The following NFASC variants were observed in gnomAD, a reference collection of about 807,000 sequenced individuals.
NFASC encodes neurofascin, also known as neurofascin homolog.
NFASC carries 43 observed loss-of-function variants against 147.5 expected under a neutral mutation model. The observed-to-expected ratio is 0.29, with a 90% CI of 0.23 to 0.38. NFASC has a LOEUF of 0.38. Among genes scored for constraint, NFASC ranks in the 10% least tolerant of loss-of-function variants. The probability of loss-of-function intolerance (pLI) is 1.00; values close to 1 mark genes in which losing one functional copy is unlikely to be tolerated. For missense variants in NFASC, 1,320 were observed against 1,689.0 expected (o/e 0.78, Z 3.83); for synonymous variants, 622 against 665.5 (o/e 0.93, Z 1.01).
At chr1:204,871,243 T>C (rs1016693787) in intron 1 of NFASC, among the ~76,000 whole-genome samples, 3 of 151,166 alleles carry the variant, frequency 2.0e-5, no homozygotes, top group African/African-American at 7.3e-5. Flanking sequence ...GCCCAGGGAG[T>C]GGATTGGTTG....
intron 1 of NFASC, among the ~76,000 whole-genome samples, chr1:204,878,171 T>G (rs751198846): frequency 6.6e-6 from 1 of 152,218 alleles, no homozygotes; most frequent in Non-Finnish European, 1.5e-5. Flanking sequence ...TACTAGGTAC[T>G]GGTTCAAGGT....
At chr1:204,843,615 C>A (rs1676032097) in intron 1 of NFASC, among the ~76,000 whole-genome samples, 1 of 82,580 alleles carries the variant, frequency 1.2e-5, no homozygotes, top group Non-Finnish European at 2.2e-5. Flanking sequence ...TTCCTTCCTT[C>A]CTTCCTTCCT....
chr1:204,906,752 G>GT lies in NFASC; in HGVS notation c.-199-13880_-199-13879insT. On this transcript the variant is annotated intron_variant, in intron 1 of 29. Coordinates refer to ENST00000339876, the MANE Select transcript of NFASC (RefSeq NM_001005388.3). Reference sequence around the variant, plus strand: ...GGCTGGAGTGCAGTGGCGCGATCTCGGCTCACTGCAAGCTCCGCCTCCCGG... The same window carrying GT: ...GGCTGGAGTGCAGTGGCGCGATCTCGTGCTCACTGCAAGCTCCGCCTCCCGG... Among the ~76,000 whole-genome samples the GT allele has an allele frequency of 3.5e-5, 2 of 57,212 alleles. 1 individual carries two copies. Among genetic ancestry groups the GT allele is most frequent in the Admixed American group, 2.5e-4 (2 of 7,980 alleles). The allele number at this position is 57,212 out of a possible 152,430, so 37.5% of individuals were successfully genotyped here.
At chr1:205,004,746 C>A (rs2096069638) in intron 27 of NFASC, among the ~76,000 whole-genome samples, 1 of 145,266 alleles carries the variant, frequency 6.9e-6, no homozygotes, top group Non-Finnish European at 1.6e-5. Flanking sequence ...GCCCTGACCA[C>A]TGGTCACTTA....
Position 204,979,012 on chromosome 1 carries a change from G to C in NFASC, c.1921G>C (p.Glu641Gln). 1 of 1,564,852 alleles carries C rather than the reference G, an allele frequency of 6.4e-7. No individual in the cohort carries two copies. Among genetic ancestry groups the C allele is most frequent in the Non-Finnish European group, 8.7e-7 (1 of 1,153,734 alleles). ...GGACCTGGAGCTGACCGACCTGGCC[G>C]AGAGGAGCGTGCGGCTGACCTGGAT... ...PRDLELTDLA[E>Q]RSVRLTWIPG... Residue 641 changes from glutamate (E) to glutamine (Q), a missense_variant, in exon 18 of 30, where the codon GAG (glutamate) becomes CAG (glutamine). Transcript: ENST00000339876. This position sits in a 1 kb window ranked among gnomAD's most constrained non-coding sequence, Gnocchi z 6.0.
intron 1 of NFASC, among the ~76,000 whole-genome samples, chr1:204,883,880 T>G (rs1184390076): frequency 6.6e-6 from 1 of 152,118 alleles, no homozygotes; most frequent in Non-Finnish European, 1.5e-5. Context: ...CCCAGAGAGT[T>G]ACTGGAAGAT....
intron 1 of NFASC, among the ~76,000 whole-genome samples, chr1:204,838,525 A>G (rs1674415738): frequency 6.6e-6 from 1 of 152,222 alleles, no homozygotes; most frequent in African/African-American, 2.4e-5. Flanking sequence ...TTTCCATTCA[A>G]AAGCCGAGGG....
intron 1 of NFASC, among the ~76,000 whole-genome samples, chr1:204,905,407 GAGA>G (rs1335186734): frequency 2.6e-5 from 4 of 151,380 alleles, no homozygotes; most frequent in African/African-American, 7.3e-5. Context: ...TAATAGATAT[GAGA>G]AGGTGTCTCG....
chr1:204,892,256 C>T (rs12405381), intron 1 of NFASC, among the ~76,000 whole-genome samples: 39,366 of 152,132 alleles, frequency 0.26, 8,703 homozygotes, highest in East Asian at 0.72. Flanking sequence ...GAACTCTTAA[C>T]GACTTTCAGT....
rs532735292 is a variant in NFASC at position 205,000,885 on chromosome 1, C to G, written c.3020-285C>G. The G allele has an allele frequency of 7.8e-5, 38 of 485,288 alleles. 1 individual carries two copies. Among genetic ancestry groups the G allele is most frequent in the African/African-American group, 7.1e-4 (36 of 50,844 alleles). The allele number at this position is 485,288 out of a possible 1,614,324, so 30.1% of individuals were successfully genotyped here. ...TCATTCCTAACGCTACCTATGTGGA[C>G]ACAGTCAGTTTCCAGCTCTCCCTCC... On this transcript the variant is annotated intron_variant, in intron 25 of 29. Transcript: ENST00000339876.
At chr1:205,004,046 T>C (rs2802840) in intron 27 of NFASC, among the ~76,000 whole-genome samples, 133,034 of 152,322 alleles carry the variant, frequency 0.87, 58,430 homozygotes, top group East Asian at 1. Flanking sequence ...GACAGTGGAC[T>C]GAGCAGAGCA....
intron 2 of NFASC, among the ~76,000 whole-genome samples, chr1:204,935,634 GC>G (rs1357474447): frequency 1.3e-5 from 2 of 152,174 alleles, no homozygotes; most frequent in Non-Finnish European, 2.9e-5. Context: ...GGGCTGGCCA[GC>G]GTCTGATCTG....
intron 1 of NFASC, chr1:204,870,582 G>A (rs370358540): frequency 2.5e-6 from 2 of 806,344 alleles, no homozygotes; most frequent in East Asian, 1.2e-4. Flanking sequence ...GGCCTGGTAC[G>A]TCTCTCTGTC....
chr1:204,946,598 A>G (rs1003296965), intron 3 of NFASC: 11 of 469,876 alleles, frequency 2.3e-5, no homozygotes, highest in African/African-American at 3.9e-5. Context: ...ATGACAGGGG[A>G]TGAGGGGGCA....
In NFASC at chr1:204,954,794, C is replaced by T; in HGVS notation, c.413-35C>T. ...CTCCTTGCCCCGGGCCCAGCCATCA[C>T]CCTCACTTTATCCTCTTTGTCCACT... On this transcript the variant is annotated intron_variant, in intron 6 of 29. Coordinates refer to ENST00000339876, the MANE Select transcript of NFASC (RefSeq NM_001005388.3). The surrounding 1 kb of genome is among the most constrained non-coding windows in gnomAD (Gnocchi z 5.7). 1 of 1,611,372 alleles carries T rather than the reference C, an allele frequency of 6.2e-7. No homozygotes were observed. The highest frequency in any genetic ancestry group is 8.5e-7 in the Non-Finnish European group (1 of 1,177,952).
chr1:204,953,096 G>A (rs2094219969), intron 5 of NFASC, among the ~76,000 whole-genome samples: 1 of 152,190 alleles, frequency 6.6e-6, no homozygotes, highest in Admixed American at 6.5e-5. Context: ...TAATCCTGTG[G>A]CACTGAGCAG....
At position 204,988,766 on chromosome 1, in the gene NFASC, G is replaced by A. The variant is rs865940936; in HGVS notation, c.2727G>A (p.Gly909=). Reference sequence around the variant, plus strand: ...GCGCCAGGACGCAGGTGGGCTCTGGGGAAGCCGTCACAGAGGAGTCACCAG... The same window carrying A: ...GCGCCAGGACGCAGGTGGGCTCTGGAGAAGCCGTCACAGAGGAGTCACCAG... The part of the protein sequence containing the change: ...TLSARTQVGS[G]EAVTEESPAP... The change falls in exon 23 of 30, where the codon GGG becomes GGA. Residue 909 remains glycine, a synonymous_variant. Coordinates refer to ENST00000339876, the MANE Select transcript of NFASC (RefSeq NM_001005388.3). 1.9e-6 allele frequency: 3 copies of A among 1,614,212 alleles called. No homozygotes were observed. The highest frequency in any genetic ancestry group is 2.2e-5 in the East Asian group (1 of 44,886).
intron 2 of NFASC, among the ~76,000 whole-genome samples, chr1:204,935,924 G>C (rs976742186): frequency 6.6e-6 from 1 of 152,148 alleles, no homozygotes; most frequent in Admixed American, 6.5e-5. Flanking sequence ...CTATCTTTAT[G>C]TCAGTCACTC....
chr1:205,012,519 A>C (rs1417590289), intron 28 of NFASC, among the ~76,000 whole-genome samples: 3 of 152,300 alleles, frequency 2.0e-5, no homozygotes, highest in East Asian at 1.9e-4. Context: ...GGGAGACTTC[A>C]TGGAGATGTG....
Sources: gnomAD v4.1 joint callset for allele counts (sites outside exome capture counted in the v4.1 genomes callset) on GRCh38, gnomAD v4.1.1 for gene constraint, Gnocchi (gnomAD v3.1) non-coding constraint, MANE v1.5 for transcripts, NCBI Gene and HGNC (gene_info 2026-07-23, HGNC 2026-07-21) for gene names.